The following RRP1 variants were observed in gnomAD, a reference collection of about 807,000 sequenced individuals.
RRP1 encodes ribosomal RNA processing protein 1 homolog A.
A neutral mutation model predicts 54.6 loss-of-function variants in RRP1; 37 were observed. The observed-to-expected ratio is 0.68, with a 90% CI of 0.52 to 0.89. The LOEUF is 0.89. Ranked by LOEUF, RRP1 falls within the 40% of genes least tolerant of loss-of-function variation. The probability of loss-of-function intolerance (pLI) is 0.00; values close to 1 mark genes in which losing one functional copy is unlikely to be tolerated. For synonymous variants in RRP1, 262 were observed against 244.3 expected, an observed-to-expected ratio of 1.07 and a Z score of -0.67; for missense variants, 639 against 612.5, an observed-to-expected ratio of 1.04 and a Z score of -0.46.
chr21:43,795,180 G>T lies in RRP1; in HGVS notation c.361-9G>T. On this transcript the variant is annotated splice_polypyrimidine_tract_variant and intron_variant, in intron 4 of 12. Coordinates refer to ENST00000497547, the MANE Select transcript of RRP1 (RefSeq NM_003683.6). Reference sequence around the variant, plus strand: ...CTTCTGCTAATGCCAACCTCCTTCTGTGTCAAAGCTCATGCGGATGGTCCT... The same window carrying T: ...CTTCTGCTAATGCCAACCTCCTTCTTTGTCAAAGCTCATGCGGATGGTCCT... The T allele has an allele frequency of 1.2e-6, 2 of 1,613,930 alleles. No individual in the cohort carries two copies. The highest frequency in any genetic ancestry group is 2.2e-5 in the East Asian group (1 of 44,878).
In RRP1 at chr21:43,789,920, G is replaced by A. The variant is rs375244693; in HGVS notation, c.133+158G>A. On this transcript the variant is annotated intron_variant, in intron 1 of 12. Transcript: ENST00000497547. The stretch of plus-strand genomic sequence containing the variant: ...CCACTGGCCTGTTCCCGCTGTTACC[G>A]GCCCACGGCCCCCGCCGCCGCTTTC... Among the ~76,000 whole-genome samples the A allele has an allele frequency of 5.9e-5, 9 of 151,762 alleles. 1 individual carries two copies. Among genetic ancestry groups the A allele is most frequent in the African/African-American group, 2.2e-4 (9 of 41,268 alleles).
intron 5 of RRP1, among the ~76,000 whole-genome samples, chr21:43,796,842 A>G (rs562237470): frequency 1.9e-4 from 29 of 152,312 alleles, no homozygotes; most frequent in Non-Finnish European, 4.0e-4. Flanking sequence ...GGGGCTGTCT[A>G]GTCTTCAGAT....
At chr21:43,792,606 CGT>C (rs1421165579) in intron 2 of RRP1, 64 bp from the exon 3 acceptor site, 42 of 1,495,850 alleles carry the variant, frequency 2.8e-5, no homozygotes, top group Non-Finnish European at 3.7e-5. Flanking sequence ...TGGGTGGTTG[CGT>C]GTGTGTCATT....
At chr21:43,796,444 G>A (rs1361497689) in intron 5 of RRP1, among the ~76,000 whole-genome samples, 1 of 152,200 alleles carries the variant, frequency 6.6e-6, no homozygotes, top group African/African-American at 2.4e-5. Context: ...TGAGAATTCA[G>A]CACAGGAATC....
intron 6 of RRP1, 22 bp downstream of exon 6, chr21:43,797,573 G>A (rs773318379): frequency 1.2e-6 from 2 of 1,613,844 alleles, no homozygotes; most frequent in African/African-American, 1.3e-5. Context: ...CTCCGACGGG[G>A]CGGTGGAGCT....
rs745498012 is a variant in RRP1 at position 43,797,357 on chromosome 21, TG to T, written c.423-59del. 1.6e-5 allele frequency: 24 copies of T among 1,541,622 alleles called. 1 individual carries two copies. The South Asian group carries it at 2.2e-4, about 14-fold the overall frequency. ...ATCAGAGCGTGTAACCATGGGAGAGTGGGGGGCACGGCTGTCTTGGGGCTCA... is the reference window on the plus strand; with the variant it reads ...ATCAGAGCGTGTAACCATGGGAGAGTGGGGGCACGGCTGTCTTGGGGCTCA... On this transcript the variant is annotated intron_variant, in intron 5 of 12. Coordinates refer to ENST00000497547, the MANE Select transcript of RRP1 (RefSeq NM_003683.6).
chr21:43,802,401 G>C lies in RRP1; in HGVS notation c.1123+14G>C. ...AGCAGGAGAGAGGTAGGACTAGGGG[G>C]TGTGTTAGTCATGGAGCCGGCGTCC... On this transcript the variant is annotated intron_variant, in intron 12 of 12. Transcript: ENST00000497547. 6.2e-7 allele frequency: 1 copy of C among 1,604,996 alleles called. No homozygotes were observed. The highest frequency in any genetic ancestry group is 8.5e-7 in the Non-Finnish European group (1 of 1,172,116).
At chr21:43,789,843 G>A (rs946799862) in intron 1 of RRP1, 81 bp downstream of exon 1, 104 of 1,395,838 alleles carry the variant, frequency 7.5e-5, no homozygotes, top group Non-Finnish European at 9.4e-5. Context: ...CGGAGCTGGG[G>A]GCCCTCCGAG....
At chr21:43,802,635 C>T (rs1413666797) in intron 12 of RRP1, among the ~76,000 whole-genome samples, 6 of 152,216 alleles carry the variant, frequency 3.9e-5, no homozygotes, top group East Asian at 3.9e-4. Context: ...CCCTCCCTCC[C>T]GGTCTGGAGA....
chr21:43,800,708 C>G, intron 10 of RRP1, 94 bp downstream of exon 10: 2 of 1,510,510 alleles, frequency 1.3e-6, no homozygotes, highest in Non-Finnish European at 1.8e-6. Flanking sequence ...CTGGGCCCTT[C>G]CGCAGCCCCC....
chr21:43,793,484 G>A (rs2084982104), intron 4 of RRP1, 80 bp downstream of exon 4: 1 of 1,238,942 alleles, frequency 8.1e-7, no homozygotes, highest in Non-Finnish European at 1.2e-6. Context: ...GCGGCACCTG[G>A]GCAGGGAGGC....
At chr21:43,791,589 G>A (rs1190245869) in intron 2 of RRP1, among the ~76,000 whole-genome samples, 157 bp downstream of exon 2, 1 of 151,888 alleles carries the variant, frequency 6.6e-6, no homozygotes, top group African/African-American at 2.4e-5. Flanking sequence ...TGCAACCTCA[G>A]CCTTCTGGTT....
intron 4 of RRP1, 43 bp downstream of exon 4, chr21:43,793,447 G>A (rs1035816366): frequency 1.9e-6 from 3 of 1,554,126 alleles, no homozygotes; most frequent in African/African-American, 1.4e-5. Flanking sequence ...GGCAGCGCGG[G>A]TCTCAGTGCC....
chr21:43,791,472 G>A (rs760758979), intron 2 of RRP1, 40 bp downstream of exon 2: 3 of 1,581,678 alleles, frequency 1.9e-6, no homozygotes. Context: ...AGAAGCAGCG[G>A]GGGAGGATGG....
At chr21:43,795,043 G>A in intron 4 of RRP1, 146 bp from the exon 5 acceptor site, 5 of 743,014 alleles carry the variant, frequency 6.7e-6, no homozygotes, top group South Asian at 6.2e-5. Flanking sequence ...TCTGTCAGCA[G>A]CTCTGGGGGC....
intron 4 of RRP1, among the ~76,000 whole-genome samples, chr21:43,793,669 T>C (rs1214661259): frequency 6.6e-6 from 1 of 152,224 alleles, no homozygotes; most frequent in African/African-American, 2.4e-5. Flanking sequence ...AAGTGACGAT[T>C]GCTCTCCTGG....
intron 4 of RRP1, 63 bp from the exon 5 acceptor site, chr21:43,795,126 G>T (rs73906614): frequency 2.1e-6 from 3 of 1,462,814 alleles, no homozygotes; most frequent in African/African-American, 2.8e-5. Context: ...GGTACATGGG[G>T]ATGGGTGGTC....
Position 43,802,308 on chromosome 21 carries a change from CT to C in RRP1, c.1045del (p.Cys349AlafsTer48), listed in dbSNP as rs751466374. 1 of 1,613,938 alleles carries C rather than the reference CT, an allele frequency of 6.2e-7. No individual in the cohort carries two copies. Among genetic ancestry groups the C allele is most frequent in the Admixed American group, 1.7e-5 (1 of 60,010 alleles). On this transcript the variant is annotated frameshift_variant, in exon 12 of 13. Coordinates refer to ENST00000497547, the MANE Select transcript of RRP1 (RefSeq NM_003683.6). LOFTEE classifies it high-confidence loss of function. ...CTGAAGATGAGATCCCAGAGAAGGC[CT>C]GCAGGCGCCTGCTTGAAGGGAGGCG... The part of the protein sequence containing the change: ...FPEDEIPEKA[C>X]RRLLEGRRQK...
chr21:43,791,298 G>T (rs1030105035), intron 1 of RRP1, 52 bp from the exon 2 acceptor site: 7 of 1,582,440 alleles, frequency 4.4e-6, no homozygotes, highest in Non-Finnish European at 6.1e-6. Context: ...TTCCTTTCTG[G>T]CACTCGAAGG....
Sources: allele counts gnomAD v4.1 joint callset (sites outside exome capture counted in the v4.1 genomes callset), GRCh38; gene constraint gnomAD v4.1.1; transcripts MANE v1.5; gene names NCBI Gene and HGNC (gene_info 2026-07-23, HGNC 2026-07-21).